The following ATP2B2 variants were observed in gnomAD, a reference collection of about 807,000 sequenced individuals.
ATP2B2 encodes the protein ATPase plasma membrane Ca2+ transporting 2.
ATP2B2 carries 15 observed loss-of-function variants against 120.0 expected under a neutral mutation model. The observed-to-expected ratio is 0.12, with a 90% CI of 0.08 to 0.19. ATP2B2 has a LOEUF of 0.19. ATP2B2 is among the 10% of genes least tolerant of loss of function. The probability of loss-of-function intolerance (pLI) is 1.00; values close to 1 mark genes in which losing one functional copy is unlikely to be tolerated. For missense variants in ATP2B2, 1,045 were observed against 1,719.8 expected (o/e 0.61, Z 6.94); for synonymous variants, 694 against 700.3 (o/e 0.99, Z 0.14).
intron 2 of ATP2B2, among the ~76,000 whole-genome samples, chr3:10,536,855 G>A (rs1222632972): frequency 6.6e-6 from 1 of 152,156 alleles, no homozygotes; most frequent in African/African-American, 2.4e-5. Flanking sequence ...AAGCTTTAGA[G>A]TTTTACATGT....
chr3:10,367,377 G>A (rs1394026325), intron 12 of ATP2B2, among the ~76,000 whole-genome samples: 1 of 152,032 alleles, frequency 6.6e-6, no homozygotes, highest in East Asian at 1.9e-4. Context: ...TCTGCAGCGC[G>A]GTTTTCCTAG....
At chr3:10,472,454 C>G (rs960466367) in intron 1 of ATP2B2, among the ~76,000 whole-genome samples, 2 of 152,182 alleles carry the variant, frequency 1.3e-5, no homozygotes, top group African/African-American at 4.8e-5. Context: ...GTTCCAAGGT[C>G]GCAGGAACCT....
chr3:10,706,176 G>A (rs770182970), intron 1 of ATP2B2, among the ~76,000 whole-genome samples: 15 of 151,902 alleles, frequency 9.9e-5, no homozygotes, highest in Non-Finnish European at 2.2e-4. Flanking sequence ...AAGGCTTAGG[G>A]AGTGAGTGAG....
Position 10,328,657 on chromosome 3 carries a change from G to A in ATP2B2, c.*157C>T. The A allele has an allele frequency of 1.4e-6, 1 of 729,476 alleles. No individual in the cohort carries two copies. 45.2% of individuals were successfully genotyped at this position (729,476 alleles called of 1,614,324 possible). On this transcript the variant is annotated 3_prime_UTR_variant, in exon 23 of 23. Transcript: ENST00000360273. The stretch of plus-strand genomic sequence containing the variant: ...AAACAGCATCGCAGCCAGAGAAAGG[G>A]TCTGTGGGTGGAAACGTTGGTTTTC...
intron 2 of ATP2B2, among the ~76,000 whole-genome samples, chr3:10,439,440 T>C (rs2063582242): frequency 1.3e-5 from 2 of 152,098 alleles, no homozygotes. Context: ...ATGCATCCCC[T>C]TGGGGCCCCC....
chr3:10,336,080 G>A (rs1040531685), intron 22 of ATP2B2: 2 of 1,536,634 alleles, frequency 1.3e-6, no homozygotes, highest in East Asian at 2.5e-5. Flanking sequence ...GCCCGCCTGG[G>A]AGCTGGCGTG....
rs2060431732 is a variant in ATP2B2, at chr3:10,346,351, G to C, written c.2405-214C>G. The stretch of plus-strand genomic sequence containing the variant: ...CTTACTGGGCTGGTGCCGACTTGGG[G>C]CCCCCTGTGGCCCGGGCCCTGCTCA... On this transcript the variant is annotated intron_variant, in intron 16 of 22. Transcript: ENST00000360273. The surrounding 1 kb of genome is among the most constrained non-coding windows in gnomAD (Gnocchi z 4.1). Among the ~76,000 whole-genome samples the C allele has an allele frequency of 6.6e-6, 1 of 152,214 alleles. No homozygotes were observed. Among genetic ancestry groups the C allele is most frequent in the Non-Finnish European group, 1.5e-5 (1 of 68,038 alleles).
At chr3:10,497,408 A>G (rs1305593001) in intron 1 of ATP2B2, among the ~76,000 whole-genome samples, 9 of 152,250 alleles carry the variant, frequency 5.9e-5, no homozygotes, top group Non-Finnish European at 1.0e-4. Flanking sequence ...TCTCAGCTAT[A>G]AAGCAAGTGC....
chr3:10,480,925 G>A (rs2065385866), intron 1 of ATP2B2, among the ~76,000 whole-genome samples: 1 of 152,258 alleles, frequency 6.6e-6, no homozygotes. Flanking sequence ...GCCAGGGCCA[G>A]AGGGCCCCGT....
chr3:10,390,064 C>T (rs1445913715), intron 5 of ATP2B2, among the ~76,000 whole-genome samples: 1 of 152,114 alleles, frequency 6.6e-6, no homozygotes, highest in Non-Finnish European at 1.5e-5. Context: ...TGATGCAGGA[C>T]ACACTACCTT....
At chr3:10,444,434 G>A (rs1200939591) in intron 2 of ATP2B2, among the ~76,000 whole-genome samples, 1 of 152,134 alleles carries the variant, frequency 6.6e-6, no homozygotes, top group Non-Finnish European at 1.5e-5. Flanking sequence ...TCATATTCAC[G>A]TGCAGCACAA....
At chr3:10,368,885 T>A (rs1002981350) in intron 12 of ATP2B2, among the ~76,000 whole-genome samples, 1 of 152,094 alleles carries the variant, frequency 6.6e-6, no homozygotes, top group Non-Finnish European at 1.5e-5. Context: ...ATCAACACAT[T>A]TATCCATCAG....
At chr3:10,527,158 G>A (rs1449999232) in intron 3 of ATP2B2, among the ~76,000 whole-genome samples, 1 of 152,230 alleles carries the variant, frequency 6.6e-6, no homozygotes, top group Non-Finnish European at 1.5e-5. Flanking sequence ...TGGGCAGGTA[G>A]TTTTCCTTCC....
intron 6 of ATP2B2, 105 bp from the exon 7 acceptor site, chr3:10,386,617 C>A (rs968116273): frequency 8.1e-7 from 1 of 1,228,614 alleles, no homozygotes. Flanking sequence ...ACACACATGG[C>A]CATACACCTA....
chr3:10,606,448 AG>A (rs1446271443), intron 2 of ATP2B2, among the ~76,000 whole-genome samples: 1 of 152,084 alleles, frequency 6.6e-6, no homozygotes, highest in African/African-American at 2.4e-5. Flanking sequence ...GCCCCTGACC[AG>A]GGGGGTGGAG....
In ATP2B2 at chr3:10,392,606, T is replaced by A. The variant is rs1001056528; in HGVS notation, c.782-4204A>T. Among the ~76,000 whole-genome samples, 2 of 152,346 alleles carry A rather than the reference T, an allele frequency of 1.3e-5. 1 individual carries two copies. Among genetic ancestry groups the A allele is most frequent in the Admixed American group, 1.3e-4 (2 of 15,308 alleles). ...GGATGGAGGCCCTGATAGGGCCTTGTGGGACCTCACTGTCCACAGTCCCTT... is the reference window on the plus strand; with the variant it reads ...GGATGGAGGCCCTGATAGGGCCTTGAGGGACCTCACTGTCCACAGTCCCTT... On this transcript the variant is annotated intron_variant, in intron 5 of 22. Transcript: ENST00000360273.
At position 10,440,100 on chromosome 3, in the gene ATP2B2, TAAAAAAAAAAAAAA is replaced by T. The variant is rs71055819; in HGVS notation, c.199+9231_199+9244del. 3.9e-4 allele frequency among the ~76,000 whole-genome samples: 11 copies of T among 28,172 alleles called. No individual in the cohort carries two copies. In the East Asian group the frequency reaches 0.014, roughly 35 times the overall value. 18.5% of individuals were successfully genotyped at this position (28,172 alleles called of 152,430 possible). ...CTGGGCAACAGAGTGAGACTCTATC[TAAAAAAAAAAAAAA>T]AAAAAAAAAAAAAAAAGGAGTGTCT... is the stretch of plus-strand genomic sequence containing the variant. On this transcript the variant is annotated intron_variant, in intron 2 of 22. Coordinates refer to ENST00000360273, the MANE Select transcript of ATP2B2 (RefSeq NM_001001331.4).
chr3:10,541,379 C>T (rs1216328696), intron 2 of ATP2B2, among the ~76,000 whole-genome samples: 2 of 151,958 alleles, frequency 1.3e-5, no homozygotes, highest in Non-Finnish European at 2.9e-5. Context: ...TTTCAGAATT[C>T]TTTATTTGCT....
rs2059860254 is a variant in ATP2B2 at position 10,326,492 on chromosome 3, T to C, written c.*2322A>G. On this transcript the variant is annotated 3_prime_UTR_variant, in exon 23 of 23. Coordinates refer to ENST00000360273, the MANE Select transcript of ATP2B2 (RefSeq NM_001001331.4). ...AACGAGGTCACGGACACATGACTGA[T>C]CAAAGAAGTGGGGAGATGGAAAACT... The C allele has an allele frequency of 2.6e-6, 1 of 387,818 alleles. No individual in the cohort carries two copies. Among genetic ancestry groups the C allele is most frequent in the African/African-American group, 2.1e-5 (1 of 48,354 alleles). 24.0% of individuals were successfully genotyped at this position (387,818 alleles called of 1,614,324 possible). A position where few individuals can be genotyped will look rare whatever the true frequency, so the allele number is the denominator to read the frequency against.
Sources: allele counts gnomAD v4.1 joint callset (sites outside exome capture counted in the v4.1 genomes callset), GRCh38; gene constraint gnomAD v4.1.1; non-coding constraint Gnocchi (gnomAD v3.1); transcripts MANE v1.5; gene names NCBI Gene and HGNC (gene_info 2026-07-23, HGNC 2026-07-21).